The following KCNIP4 variants were observed in gnomAD, a reference collection of about 807,000 sequenced individuals.
The protein encoded by KCNIP4 is potassium voltage-gated channel interacting protein 4, also known as Kv channel-interacting protein 4.
A neutral mutation model predicts 34.0 loss-of-function variants in KCNIP4; 12 were observed. The observed-to-expected ratio is 0.35, with a 90% CI of 0.23 to 0.57. The LOEUF is 0.57. Ranked by LOEUF, KCNIP4 falls within the 20% of genes least tolerant of loss-of-function variation. The pLI is 0.83. For synonymous variants in KCNIP4, 124 were observed against 102.2 expected (o/e 1.21, Z -1.29); for missense variants, 238 against 311.7 (o/e 0.76, Z 1.78).
chr4:21,036,199 C>T (rs1741430309), intron 1 of KCNIP4, among the ~76,000 whole-genome samples: 1 of 152,182 alleles, frequency 6.6e-6, no homozygotes, highest in Non-Finnish European at 1.5e-5. Context: ...ATTACATATG[C>T]TATGCCTTTA....
chr4:21,689,245 T>A (rs557114677), intron 1 of KCNIP4, among the ~76,000 whole-genome samples: 1 of 152,228 alleles, frequency 6.6e-6, no homozygotes, highest in Non-Finnish European at 1.5e-5. Flanking sequence ...TATTTATTCC[T>A]AATTACCAGG....
chr4:21,270,505 A>C (rs1762078207), intron 1 of KCNIP4, among the ~76,000 whole-genome samples: 1 of 152,230 alleles, frequency 6.6e-6, no homozygotes, highest in African/African-American at 2.4e-5. Context: ...AATTCATCAA[A>C]TAGATCAAGG....
chr4:21,403,465 A>G (rs748813835), intron 1 of KCNIP4, among the ~76,000 whole-genome samples: 39 of 152,172 alleles, frequency 2.6e-4, no homozygotes, highest in Non-Finnish European at 4.6e-4. Flanking sequence ...GGCCAGATCT[A>G]TCCTTTAAAA....
In KCNIP4 at chr4:21,456,712, T is replaced by C. The variant is rs1728984251; in HGVS notation, c.61+491859A>G. ...GGGGTCAGCTAGCCTGATCCAGCCT[T>C]TACAGCTCCATGTAGATTTGCTCTT... On this transcript the variant is annotated intron_variant, in intron 1 of 8. Transcript: ENST00000382152. 1.6e-5 allele frequency among the ~76,000 whole-genome samples: 2 copies of C among 127,996 alleles called. 1 individual carries two copies. Among genetic ancestry groups the C allele is most frequent in the South Asian group, 4.5e-4 (2 of 4,420 alleles). The allele number at this position is 127,996 out of a possible 152,430, so 84.0% of individuals were successfully genotyped here.
At chr4:21,303,006 T>C (rs988049957) in intron 1 of KCNIP4, among the ~76,000 whole-genome samples, 2 of 152,226 alleles carry the variant, frequency 1.3e-5, no homozygotes, top group African/African-American at 4.8e-5. Flanking sequence ...AAACAATGAC[T>C]GGCTGTATGC....
intron 1 of KCNIP4, among the ~76,000 whole-genome samples, chr4:21,147,447 T>C (rs895546299): frequency 2.0e-5 from 3 of 152,206 alleles, no homozygotes; most frequent in African/African-American, 7.2e-5. Context: ...ACTTGGACCC[T>C]GATATTTTTA....
intron 1 of KCNIP4, among the ~76,000 whole-genome samples, chr4:21,209,845 G>T (rs187361252): frequency 2.6e-5 from 4 of 152,036 alleles, no homozygotes; most frequent in Non-Finnish European, 5.9e-5. Context: ...ATGAGATTTC[G>T]TCATTAGTAA....
At chr4:21,685,238 G>A (rs1428404781) in intron 1 of KCNIP4, among the ~76,000 whole-genome samples, 4 of 152,092 alleles carry the variant, frequency 2.6e-5, no homozygotes, top group African/African-American at 7.2e-5. Flanking sequence ...ACACTACACC[G>A]ATTTATAAGT....
chr4:21,613,092 A>G (rs1052945398), intron 1 of KCNIP4, among the ~76,000 whole-genome samples: 6 of 152,174 alleles, frequency 3.9e-5, no homozygotes, highest in Non-Finnish European at 5.9e-5. Context: ...AAGTTGGAAC[A>G]TGAGGGAGTA....
chr4:20,853,100 A>G (rs1417024105), intron 2 of KCNIP4, among the ~76,000 whole-genome samples: 2 of 152,200 alleles, frequency 1.3e-5, no homozygotes, highest in Non-Finnish European at 2.9e-5. Flanking sequence ...ACAGAATACC[A>G]TGATTATTCT....
At chr4:20,748,854 G>T (rs1297052495) in intron 5 of KCNIP4, among the ~76,000 whole-genome samples, 3 of 147,140 alleles carry the variant, frequency 2.0e-5, no homozygotes, top group Non-Finnish European at 4.5e-5. Flanking sequence ...TTTACCATTT[G>T]AATCATATGA....
In KCNIP4 at chr4:21,534,844, C is replaced by T. The variant is rs533140670; in HGVS notation, c.61+413727G>A. 1.4e-3 allele frequency among the ~76,000 whole-genome samples: 213 copies of T among 152,220 alleles called. 1 individual carries two copies. Among genetic ancestry groups the T allele is most frequent in the African/African-American group, 5.0e-3 (207 of 41,538 alleles). On this transcript the variant is annotated intron_variant, in intron 1 of 8. Transcript: ENST00000382152. The stretch of plus-strand genomic sequence containing the variant: ...CTTCAGACAGGACCTCCATGAGGGG[C>T]AGAAGTTTGGTGAAGTATCCCTGAT...
At chr4:20,871,171 T>C (rs567352320) in intron 2 of KCNIP4, among the ~76,000 whole-genome samples, 2 of 152,140 alleles carry the variant, frequency 1.3e-5, no homozygotes, top group East Asian at 3.9e-4. Context: ...CAGGCATTGG[T>C]CAAGGTACAA....
chr4:20,981,510 G>A (rs1736060208), intron 1 of KCNIP4, among the ~76,000 whole-genome samples: 1 of 152,208 alleles, frequency 6.6e-6, no homozygotes, highest in Non-Finnish European at 1.5e-5. Context: ...ATAAAAGTAT[G>A]TTGTAGTAGG....
At chr4:21,325,940 T>C (rs1714994979) in intron 1 of KCNIP4, among the ~76,000 whole-genome samples, 1 of 151,992 alleles carries the variant, frequency 6.6e-6, no homozygotes. Context: ...TTTAGTTTTA[T>C]TCTATTGTGG....
intron 1 of KCNIP4, among the ~76,000 whole-genome samples, chr4:21,483,870 C>A (rs1353574802): frequency 6.6e-6 from 1 of 152,008 alleles, no homozygotes; most frequent in Non-Finnish European, 1.5e-5. Context: ...TCCTCCTGTG[C>A]TGGCCATGTA....
chr4:21,611,167 C>T (rs1023173871), intron 1 of KCNIP4, among the ~76,000 whole-genome samples: 1 of 152,162 alleles, frequency 6.6e-6, no homozygotes, highest in Non-Finnish European at 1.5e-5. Flanking sequence ...TTTATGGCTG[C>T]ATAGTATTCC....
At chr4:20,872,499 A>G (rs567066117) in intron 2 of KCNIP4, among the ~76,000 whole-genome samples, 1 of 152,286 alleles carries the variant, frequency 6.6e-6, no homozygotes, top group East Asian at 1.9e-4. Context: ...TCTGTATTTT[A>G]TAGACCTGGT....
intron 5 of KCNIP4, among the ~76,000 whole-genome samples, chr4:20,745,478 G>A (rs1034267742): frequency 6.6e-5 from 10 of 152,124 alleles, no homozygotes; most frequent in Non-Finnish European, 1.0e-4. Context: ...CTTTTGCTCC[G>A]TGCTTTTCTG....
Sources: allele counts gnomAD v4.1 joint callset (sites outside exome capture counted in the v4.1 genomes callset), GRCh38; gene constraint gnomAD v4.1.1; transcripts MANE v1.5; gene names NCBI Gene and HGNC (gene_info 2026-07-23, HGNC 2026-07-21).